TRPM7: variants seen among roughly 807,000 people sequenced by gnomAD.
TRPM7 encodes LTRPC ion channel family member 7.
In TRPM7, 134 loss-of-function variants were observed where a neutral mutation model predicts 229.7. The ratio of observed to expected loss-of-function variants is 0.58; its 90% CI spans 0.51 to 0.67. TRPM7 has a LOEUF of 0.67. Among genes scored for constraint, TRPM7 ranks in the 30% least tolerant of loss-of-function variants. The probability of loss-of-function intolerance (pLI) is 0.00; values close to 1 mark genes in which losing one functional copy is unlikely to be tolerated. For synonymous variants in TRPM7, 699 were observed against 715.2 expected (o/e 0.98, Z 0.36); for missense variants, 1,901 against 2,210.0 (o/e 0.86, Z 2.80).
chr15:50,598,762 A>G (rs1195529533), intron 22 of TRPM7, among the ~76,000 whole-genome samples: 1 of 152,356 alleles, frequency 6.6e-6, no homozygotes, highest in East Asian at 1.9e-4. Context: ...TCTTAGAATC[A>G]TAAGGGAAAC....
At chr15:50,627,379 G>C (rs560274461) in intron 11 of TRPM7, among the ~76,000 whole-genome samples, 1 of 152,228 alleles carries the variant, frequency 6.6e-6, no homozygotes, top group East Asian at 1.9e-4. Context: ...AGGCCAGAAA[G>C]ATAGGAGGAA....
chr15:50,591,222 C>T (rs1358716100), intron 26 of TRPM7, among the ~76,000 whole-genome samples: 2 of 152,106 alleles, frequency 1.3e-5, no homozygotes, highest in African/African-American at 2.4e-5. Flanking sequence ...ATTAATAGTG[C>T]ACCCTTTCAC....
At chr15:50,627,573 G>C (rs1480938714) in intron 11 of TRPM7, among the ~76,000 whole-genome samples, 1 of 152,146 alleles carries the variant, frequency 6.6e-6, no homozygotes, top group African/African-American at 2.4e-5. Context: ...TGAATAAATG[G>C]AATGTGATTC....
chr15:50,600,464 T>C (rs368159973), intron 21 of TRPM7, among the ~76,000 whole-genome samples: 6 of 149,412 alleles, frequency 4.0e-5, no homozygotes, highest in East Asian at 2.0e-4. Context: ...GGAATATACA[T>C]ATAAAAAAGT....
rs372158383 is a variant in TRPM7, at chr15:50,666,860, T to C, written c.4-3814A>G. Among the ~76,000 whole-genome samples, 27 of 152,248 alleles carry C rather than the reference T, an allele frequency of 1.8e-4. No individual in the cohort carries two copies. The South Asian group carries it at 5.4e-3, about 30-fold the overall frequency. On this transcript the variant is annotated intron_variant, in intron 1 of 38. Coordinates refer to ENST00000646667, the MANE Select transcript of TRPM7 (RefSeq NM_017672.6). ...ACAAGTAATAGTAAGACTGAAAAGA[T>C]ACAAGGTAATTGAAAGATAAAGAAG...
At chr15:50,573,279 T>C (rs983172919) in intron 36 of TRPM7, among the ~76,000 whole-genome samples, 3 of 152,174 alleles carry the variant, frequency 2.0e-5, no homozygotes, top group Non-Finnish European at 4.4e-5. Context: ...GGCCTAGCCT[T>C]AAGAGGTTCT....
At position 50,658,057 on chromosome 15, in the gene TRPM7, T is replaced by A. The variant is rs376680005; in HGVS notation, c.84-238A>T. Among the ~76,000 whole-genome samples, 53 of 149,026 alleles carry A rather than the reference T, an allele frequency of 3.6e-4. 1 individual carries two copies. In the East Asian group the frequency reaches 9.6e-3, roughly 27 times the overall value. ...TCTCGCTCTGTTGCCCAGGCTGGAG[T>A]CCAATGGCGCAATCTCAGCTCACTG... On this transcript the variant is annotated intron_variant, in intron 2 of 38. Coordinates refer to ENST00000646667, the MANE Select transcript of TRPM7 (RefSeq NM_017672.6).
At chr15:50,655,872 C>T (rs1054073079) in intron 3 of TRPM7, among the ~76,000 whole-genome samples, 6 of 152,040 alleles carry the variant, frequency 3.9e-5, no homozygotes, top group Non-Finnish European at 8.8e-5. Context: ...TGCCTGTAAT[C>T]CCAGCTTCTG....
chr15:50,638,358 CAAAAAAAAAAAAAAAAAAAAA>C (rs60939201), intron 6 of TRPM7, among the ~76,000 whole-genome samples: 20 of 42,282 alleles, frequency 4.7e-4, no homozygotes, highest in Admixed American at 1.3e-3. Flanking sequence ...GACTCCGTCT[CAAAAAAAAAAAAAAAAAAAAA>C]AAAAAAAAAA....
Position 50,570,104 on chromosome 15 carries a change from C to T in TRPM7, c.5360G>A (p.Arg1787Lys). 1 of 1,610,026 alleles carries T rather than the reference C, an allele frequency of 6.2e-7. No homozygotes were observed. The highest frequency in any genetic ancestry group is 8.5e-7 in the Non-Finnish European group (1 of 1,178,182). The change falls in exon 37 of 39, where the codon AGA (arginine) becomes AAA (lysine). Residue 1787 changes from arginine to lysine, a missense_variant and splice_region_variant. By Grantham distance (26) the Arg-to-Lys change is conservative (BLOSUM62 2). Coordinates refer to ENST00000646667, the MANE Select transcript of TRPM7 (RefSeq NM_017672.6). ...DPSVIKAEEK[R>K]SCDMVFGPAN... is the part of the protein sequence containing the mutation. Reference sequence around the variant, plus strand: ...TAATGAAATAGTTAAAACTTATTACCTCTTTTCTTCTGCTTTTATCACAGA... The same window carrying T: ...TAATGAAATAGTTAAAACTTATTACTTCTTTTCTTCTGCTTTTATCACAGA...
intron 27 of TRPM7, among the ~76,000 whole-genome samples, chr15:50,587,577 C>G (rs777422868): frequency 6.6e-6 from 1 of 151,854 alleles, no homozygotes; most frequent in Non-Finnish European, 1.5e-5. Context: ...TCTTTAAGTT[C>G]ATTATTAAAA....
intron 26 of TRPM7, among the ~76,000 whole-genome samples, chr15:50,590,127 A>T (rs2059449798): frequency 6.6e-6 from 1 of 152,182 alleles, no homozygotes; most frequent in Admixed American, 6.5e-5. Flanking sequence ...AAGTGCTGGG[A>T]TTACAGGCCT....
At chr15:50,565,161 T>C (rs2053539547) in intron 38 of TRPM7, among the ~76,000 whole-genome samples, 1 of 152,084 alleles carries the variant, frequency 6.6e-6, no homozygotes, top group Non-Finnish European at 1.5e-5. Context: ...TTTGTATTTT[T>C]AGTAGAGATA....
intron 38 of TRPM7, among the ~76,000 whole-genome samples, chr15:50,563,878 T>C (rs888333144): frequency 2.6e-5 from 4 of 152,142 alleles, no homozygotes; most frequent in African/African-American, 9.7e-5. Flanking sequence ...TCTTTTTTTT[T>C]TGAGACAAGG....
At chr15:50,628,920 T>C (rs2060645204) in intron 10 of TRPM7, among the ~76,000 whole-genome samples, 1 of 152,240 alleles carries the variant, frequency 6.6e-6, no homozygotes, top group Non-Finnish European at 1.5e-5. Context: ...AATGGGTTCA[T>C]ACTACAAAAG....
intron 24 of TRPM7, 26 bp downstream of exon 24, chr15:50,594,403 C>T (rs756308604): frequency 1.9e-6 from 3 of 1,548,986 alleles, no homozygotes; most frequent in Non-Finnish European, 2.6e-6. Flanking sequence ...AAAATGAAAA[C>T]ATTTGCCTTA....
intron 25 of TRPM7, 62 bp downstream of exon 25, chr15:50,593,555 G>C: frequency 6.6e-7 from 1 of 1,519,512 alleles, no homozygotes; most frequent in Non-Finnish European, 8.9e-7. Context: ...CCATGTATAA[G>C]AAATATAACG....
intron 31 of TRPM7, among the ~76,000 whole-genome samples, chr15:50,576,646 C>T (rs1203403423): frequency 1.3e-5 from 2 of 152,210 alleles, no homozygotes; most frequent in Non-Finnish European, 2.9e-5. Context: ...TTTGGACATA[C>T]ATCCACCCAG....
At chr15:50,682,791 GTTCTTTTTACTGAT>G (rs1371101204) in intron 1 of TRPM7, among the ~76,000 whole-genome samples, 1 of 151,966 alleles carries the variant, frequency 6.6e-6, no homozygotes, top group Admixed American at 6.6e-5. Context: ...CCCATCTTAA[GTTCTTTTTACTGAT>G]TCACATAAAT....
Sources: gnomAD v4.1 joint callset for allele counts (sites outside exome capture counted in the v4.1 genomes callset) on GRCh38, gnomAD v4.1.1 for gene constraint, MANE v1.5 for transcripts, NCBI Gene and HGNC (gene_info 2026-07-23, HGNC 2026-07-21) for gene names.